MYOM1: variants seen among roughly 807,000 people sequenced by gnomAD.
MYOM1 encodes the protein myomesin-1.
In MYOM1, 164 loss-of-function variants were observed where a neutral mutation model predicts 205.3. That is an observed-to-expected ratio of 0.80 (90% CI 0.70 to 0.91). The LOEUF is 0.91. MYOM1 is among the 40% of genes least tolerant of loss of function. The pLI, the probability that MYOM1 is intolerant of heterozygous loss-of-function variation, is 0.00. For synonymous variants in MYOM1, 772 were observed against 789.4 expected, an observed-to-expected ratio of 0.98 and a Z score of 0.37; for missense variants, 2,011 against 2,127.3, an observed-to-expected ratio of 0.95 and a Z score of 1.08.
chr18:3,187,643 A>G lies in MYOM1; in HGVS notation c.772-6T>C. ...TATGTCTCGGTTTCTTCTAACTGAA[A>G]AAACAAATATGCAAACAAACATATT... On this transcript the variant is annotated splice_polypyrimidine_tract_variant and splice_region_variant and intron_variant, in intron 4 of 37. Transcript: ENST00000356443. The G allele has an allele frequency of 6.3e-7, 1 of 1,585,384 alleles. No homozygotes were observed.
chr18:3,083,411 TTTTC>T (rs1213530014), intron 33 of MYOM1, among the ~76,000 whole-genome samples: 1 of 94,016 alleles, frequency 1.1e-5, no homozygotes, highest in African/African-American at 4.2e-5. Flanking sequence ...TTCTTTTCTT[TTTTC>T]TTTTTCTTTT....
rs542196638 is a variant in MYOM1 at position 3,129,994 on chromosome 18, G to A, written c.2507-475C>T. Among the ~76,000 whole-genome samples the A allele has an allele frequency of 2.5e-4, 38 of 152,006 alleles. No homozygotes were observed. In the South Asian group the frequency reaches 6.4e-3, roughly 26 times the overall value. On this transcript the variant is annotated intron_variant, in intron 17 of 37. Transcript: ENST00000356443. ...GGTCTGTACCTCTCAACCTCAAAGA[G>A]ACATGTTTAGAATGGTTCACATTAT... is the stretch of plus-strand genomic sequence containing the variant.
intron 2 of MYOM1, among the ~76,000 whole-genome samples, chr18:3,194,779 T>C (rs1325514773): frequency 6.6e-6 from 1 of 152,004 alleles, no homozygotes; most frequent in Non-Finnish European, 1.5e-5. Flanking sequence ...ATGAACTCCC[T>C]GAAGTCAATC....
At chr18:3,099,964 T>C (rs1415066292) in intron 25 of MYOM1, among the ~76,000 whole-genome samples, 195 bp downstream of exon 25, 2 of 152,204 alleles carry the variant, frequency 1.3e-5, no homozygotes, top group Non-Finnish European at 2.9e-5. Context: ...TTAGTATCCT[T>C]GGTATCTCTG....
In MYOM1 at chr18:3,112,369, C is replaced by G. The variant is rs778322446; in HGVS notation, c.3347G>C (p.Arg1116Pro). The G allele has an allele frequency of 1.9e-6, 3 of 1,612,040 alleles. No homozygotes were observed. The highest frequency in any genetic ancestry group is 2.5e-6 in the Non-Finnish European group (3 of 1,178,490). ...KEGVSYVFRV[R>P]AINQAGVGKP... ...CCCAACTCCCGCCTGGTTTATGGCTCGAACACGGAACACGTAGCTGACGCC... is the reference window on the plus strand; with the variant it reads ...CCCAACTCCCGCCTGGTTTATGGCTGGAACACGGAACACGTAGCTGACGCC... The change falls in exon 22 of 38, where the codon CGA becomes CCA. Residue 1116 changes from arginine to proline, a missense_variant. Arg to Pro is a moderately radical substitution (Grantham distance 103). Transcript: ENST00000356443.
At chr18:3,207,549 G>T (rs889563171) in intron 2 of MYOM1, among the ~76,000 whole-genome samples, 1 of 152,184 alleles carries the variant, frequency 6.6e-6, no homozygotes, top group Non-Finnish European at 1.5e-5. Flanking sequence ...GACATTGCAC[G>T]AAAGTTACCT....
intron 10 of MYOM1, among the ~76,000 whole-genome samples, chr18:3,159,615 T>C (rs1310431693): frequency 6.6e-6 from 1 of 152,008 alleles, no homozygotes; most frequent in Non-Finnish European, 1.5e-5. Context: ...GGTGAACGTA[T>C]AGGCAAAAGG....
At chr18:3,242,449 C>A in the MYOM1 span, among the ~76,000 whole-genome samples, 1 of 152,310 alleles carries the variant, frequency 6.6e-6, no homozygotes, top group Admixed American at 6.5e-5. Context: ...GCCTCCCCAG[C>A]CACATGGAAC....
Position 3,163,251 on chromosome 18 carries a change from C to G in MYOM1, c.1501+1027G>C, listed in dbSNP as rs184689441. Among the ~76,000 whole-genome samples, 451 of 152,262 alleles carry G rather than the reference C, an allele frequency of 3.0e-3. 2 individuals are homozygous for G. Among genetic ancestry groups the G allele is most frequent in the African/African-American group, 0.01 (423 of 41,548 alleles). On this transcript the variant is annotated intron_variant, in intron 10 of 37. Coordinates refer to ENST00000356443, the MANE Select transcript of MYOM1 (RefSeq NM_003803.4). ...GACTTACACCCAAAATAACAGATCC[C>G]TCTTTTGCAGCAGCTTCCTTAAACT...
chr18:3,246,567 G>A, the MYOM1 span: 2 of 152,154 alleles, frequency 1.3e-5, no homozygotes, highest in Non-Finnish European at 2.9e-5. Flanking sequence ...TTTGGAATAC[G>A]TTAGTGGTTA....
chr18:3,200,540 T>C (rs2144205062), intron 2 of MYOM1, among the ~76,000 whole-genome samples: 1 of 152,216 alleles, frequency 6.6e-6, no homozygotes. Context: ...CAAAGAAATA[T>C]AAATTATAAA....
intron 25 of MYOM1, among the ~76,000 whole-genome samples, chr18:3,099,267 G>C (rs1388837667): frequency 6.6e-6 from 1 of 152,122 alleles, no homozygotes; most frequent in African/African-American, 2.4e-5. Context: ...GTCTCCATTG[G>C]GGAATTTACT....
chr18:3,240,203 G>C, the MYOM1 span, among the ~76,000 whole-genome samples: 1 of 152,110 alleles, frequency 6.6e-6, no homozygotes, highest in East Asian at 1.9e-4. Flanking sequence ...CACTATGTTA[G>C]GCTATATACT....
intron 2 of MYOM1, among the ~76,000 whole-genome samples, chr18:3,197,730 G>T (rs575126943): frequency 1.3e-5 from 2 of 150,692 alleles, no homozygotes; most frequent in African/African-American, 2.5e-5. Context: ...AAAATTAGCT[G>T]GGCATGGTGG....
intron 36 of MYOM1, among the ~76,000 whole-genome samples, chr18:3,072,646 G>T (rs983642654): frequency 3.9e-5 from 6 of 152,144 alleles, no homozygotes; most frequent in Middle Eastern, 3.4e-3. Context: ...GAGCCACCAT[G>T]CCTGGCTGGA....
intron 27 of MYOM1, 92 bp downstream of exon 27, chr18:3,090,566 A>G (rs1054646546): frequency 1.3e-6 from 2 of 1,505,932 alleles, no homozygotes; most frequent in South Asian, 1.2e-5. Context: ...AAAAATTCCT[A>G]CTACCTTTCA....
chr18:3,127,671 G>A (rs577312340), intron 18 of MYOM1, among the ~76,000 whole-genome samples: 2 of 152,010 alleles, frequency 1.3e-5, no homozygotes, highest in East Asian at 1.9e-4. Flanking sequence ...TTACCCTTGT[G>A]AGACCTTACA....
intron 2 of MYOM1, among the ~76,000 whole-genome samples, chr18:3,213,714 G>C (rs2081219852): frequency 1.3e-5 from 2 of 152,278 alleles, no homozygotes; most frequent in East Asian, 3.9e-4. Context: ...TAATATCAAA[G>C]ACAATCAGTG....
chr18:3,126,657 G>A (rs368024700), intron 19 of MYOM1, 44 bp downstream of exon 19: 39 of 1,561,094 alleles, frequency 2.5e-5, no homozygotes, highest in Admixed American at 8.8e-5. Context: ...CAAGCATAGC[G>A]TCATACATAG....
Sources: gnomAD v4.1 joint callset for allele counts (sites outside exome capture counted in the v4.1 genomes callset) on GRCh38, gnomAD v4.1.1 for gene constraint, MANE v1.5 for transcripts, NCBI Gene and HGNC (gene_info 2026-07-23, HGNC 2026-07-21) for gene names.